CYP19A1: variants seen among roughly 807,000 people sequenced by gnomAD.
The protein encoded by CYP19A1 is cytochrome P450 family 19 subfamily A member 1, also known as aromatase.
In CYP19A1, 32 loss-of-function variants were observed where a neutral mutation model predicts 44.4. That is an observed-to-expected ratio of 0.72 (90% CI 0.54 to 0.97). CYP19A1 has a LOEUF of 0.97. Ranked by LOEUF, CYP19A1 falls within the 50% of genes least tolerant of loss-of-function variation. CYP19A1 has a pLI of 0.00. For synonymous variants in CYP19A1, 212 were observed against 215.6 expected (o/e 0.98, Z 0.14); for missense variants, 598 against 637.8 (o/e 0.94, Z 0.67).
intron 3 of CYP19A1, among the ~76,000 whole-genome samples, chr15:51,236,579 A>G (rs2033406880): frequency 6.6e-6 from 1 of 152,238 alleles, no homozygotes; most frequent in African/African-American, 2.4e-5. Flanking sequence ...TCAAAATCAA[A>G]TTATCTGGCT....
chr15:51,316,781 A>G (rs1357846708), intron 1 of CYP19A1, among the ~76,000 whole-genome samples: 1 of 152,288 alleles, frequency 6.6e-6, no homozygotes, highest in East Asian at 1.9e-4. Context: ...GTTAAAAACT[A>G]TATTCCCCAG....
At chr15:51,254,948 TTGGC>T (rs2034460189) in intron 1 of CYP19A1, among the ~76,000 whole-genome samples, 1 of 152,180 alleles carries the variant, frequency 6.6e-6, no homozygotes, top group South Asian at 2.1e-4. Flanking sequence ...TTCCTGTTAG[TTGGC>T]TAACAGGAAA....
intron 1 of CYP19A1, among the ~76,000 whole-genome samples, chr15:51,267,432 C>T (rs566799196): frequency 3.9e-5 from 6 of 152,324 alleles, no homozygotes; most frequent in South Asian, 2.1e-4. Flanking sequence ...AGTTAAGTTG[C>T]GCTGGCTTGA....
chr15:51,247,692 C>T (rs1198666191), intron 1 of CYP19A1, among the ~76,000 whole-genome samples: 1 of 152,112 alleles, frequency 6.6e-6, no homozygotes, highest in African/African-American at 2.4e-5. Context: ...TCAGGCTAGT[C>T]TGGAACTCCT....
intron 1 of CYP19A1, among the ~76,000 whole-genome samples, chr15:51,306,458 G>A (rs966691252): frequency 1.3e-5 from 2 of 151,620 alleles, no homozygotes; most frequent in Admixed American, 1.3e-4. Context: ...AATCATAAAG[G>A]ATTCAGAGGG....
At chr15:51,242,538 G>A (rs2033831811) in intron 2 of CYP19A1, among the ~76,000 whole-genome samples, 1 of 152,102 alleles carries the variant, frequency 6.6e-6, no homozygotes. Flanking sequence ...CGAAAGCACA[G>A]CACAGAGTGG....
chr15:51,294,362 G>A (rs895516031), intron 1 of CYP19A1, among the ~76,000 whole-genome samples: 4 of 149,806 alleles, frequency 2.7e-5, no homozygotes, highest in Admixed American at 6.6e-5. Context: ...CTGCCCGGCC[G>A]CGACCCCATC....
intron 1 of CYP19A1, among the ~76,000 whole-genome samples, chr15:51,325,870 T>C (rs1464304973): frequency 6.8e-6 from 1 of 146,812 alleles, no homozygotes; most frequent in Non-Finnish European, 1.5e-5. Context: ...AAAAAGGGCA[T>C]TGAGTCCACC....
At chr15:51,248,402 G>A (rs1025072771) in intron 1 of CYP19A1, among the ~76,000 whole-genome samples, 1 of 152,200 alleles carries the variant, frequency 6.6e-6, no homozygotes, top group Admixed American at 6.5e-5. Flanking sequence ...ATGCTTTGGT[G>A]CCAGGCCATA....
chr15:51,236,039 A>G (rs2033372050), intron 3 of CYP19A1, among the ~76,000 whole-genome samples: 2 of 152,224 alleles, frequency 1.3e-5, no homozygotes, highest in South Asian at 4.1e-4. Context: ...CTTATAGTCA[A>G]TTCCTATTTA....
chr15:51,294,679 T>TGG (rs748228800), intron 1 of CYP19A1, among the ~76,000 whole-genome samples: 2 of 104,272 alleles, frequency 1.9e-5, no homozygotes, highest in African/African-American at 1.1e-4. Context: ...GGGAGGGAGG[T>TGG]GGGGGGTCAG....
chr15:51,283,358 C>T (rs1185428378), intron 1 of CYP19A1, among the ~76,000 whole-genome samples: 4 of 152,166 alleles, frequency 2.6e-5, no homozygotes, highest in African/African-American at 9.7e-5. Flanking sequence ...AACATTAAAA[C>T]CTGGAGCAAT....
At chr15:51,271,183 T>G (rs935530830) in intron 1 of CYP19A1, among the ~76,000 whole-genome samples, 1 of 152,156 alleles carries the variant, frequency 6.6e-6, no homozygotes, top group South Asian at 2.1e-4. Flanking sequence ...TATCGCCCTC[T>G]TCTTAATCAC....
At chr15:51,262,691 C>T (rs1257190813) in intron 1 of CYP19A1, among the ~76,000 whole-genome samples, 1 of 152,164 alleles carries the variant, frequency 6.6e-6, no homozygotes, top group African/African-American at 2.4e-5. Flanking sequence ...TACTTGACTT[C>T]CTGTTCTGCA....
At chr15:51,275,886 G>A (rs2035290358) in intron 1 of CYP19A1, among the ~76,000 whole-genome samples, 1 of 152,164 alleles carries the variant, frequency 6.6e-6, no homozygotes. Context: ...CAGCAGGACT[G>A]CTTGACAGTG....
intron 4 of CYP19A1, among the ~76,000 whole-genome samples, chr15:51,226,014 G>A (rs2032539214): frequency 6.8e-6 from 1 of 147,120 alleles, no homozygotes; most frequent in African/African-American, 2.5e-5. Context: ...GTGTGAACCT[G>A]GGAGGTGGAG....
chr15:51,334,128 A>G (rs1010302052), intron 1 of CYP19A1, among the ~76,000 whole-genome samples: 9 of 152,182 alleles, frequency 5.9e-5, no homozygotes, highest in Admixed American at 1.3e-4. Context: ...GCCAAGTGCC[A>G]GTCTGAGCTG....
chr15:51,281,394 G>A (rs1011572229), intron 1 of CYP19A1, among the ~76,000 whole-genome samples: 2 of 152,218 alleles, frequency 1.3e-5, no homozygotes, highest in African/African-American at 4.8e-5. Context: ...TACTACGCAA[G>A]GGGGCTTTTT....
At chr15:51,336,860 G>C (rs115481098) in intron 1 of CYP19A1, among the ~76,000 whole-genome samples, 7,132 of 151,252 alleles carry the variant, frequency 0.047, 558 homozygotes, top group African/African-American at 0.16. Flanking sequence ...CCCTGTGTCC[G>C]CATTATATCC....
Sources: allele counts gnomAD v4.1 joint callset (sites outside exome capture counted in the v4.1 genomes callset), GRCh38; gene constraint gnomAD v4.1.1; transcripts MANE v1.5; gene names NCBI Gene and HGNC (gene_info 2026-07-23, HGNC 2026-07-21).